Variants in RPP14 observed in about 807,000 individuals in gnomAD.
RPP14 encodes ribonuclease P protein subunit p14.
Under a neutral mutation model 17.8 loss-of-function variants are expected in RPP14, and 19 were observed. The observed-to-expected ratio is 1.07, with a 90% confidence interval of 0.74 to 1.57. The LOEUF (loss-of-function observed/expected upper bound fraction) is 1.57. Ranked by LOEUF, RPP14 falls within the 40% of genes most tolerant of loss-of-function variation. The pLI, the probability that RPP14 is intolerant of heterozygous loss-of-function variation, is 0.00. For missense variants in RPP14, 125 were observed against 140.8 expected (o/e 0.89, Z 0.57); for synonymous variants, 60 against 56.4 (o/e 1.06, Z -0.29).
At chr3:58,311,781 A>G (rs1004606816) in intron 3 of RPP14, among the ~76,000 whole-genome samples, 1 of 151,442 alleles carries the variant, frequency 6.6e-6, no homozygotes, top group Non-Finnish European at 1.5e-5. Context: ...GCCCAGCTGC[A>G]CATGTCTTTT....
At position 58,318,503 on chromosome 3, in the gene RPP14, A is replaced by AAC. The variant is rs1427054922; in HGVS notation, c.*1008_*1009insCA. ...TGAAACCCCATCTCTACCAAAAAAA[A>AAC]AAAAAAAAAAAAAGTGCAACTAGCT... On this transcript the variant is annotated 3_prime_UTR_variant, in exon 6 of 6. Transcript: ENST00000295959. 1 of 147,506 alleles carries AAC rather than the reference A, an allele frequency of 6.8e-6. No individual in the cohort carries two copies. Among genetic ancestry groups the AAC allele is most frequent in the Non-Finnish European group, 1.5e-5 (1 of 68,064 alleles). The allele number at this position is 147,506 out of a possible 1,614,324, so 9.1% of individuals were successfully genotyped here.
intron 3 of RPP14, among the ~76,000 whole-genome samples, chr3:58,311,686 T>C (rs1360756806): frequency 6.7e-5 from 9 of 134,578 alleles, no homozygotes; most frequent in Non-Finnish European, 1.3e-4. Context: ...GGGAATACAA[T>C]AAATATGAGA....
At chr3:58,313,603 A>C (rs1488208452) in intron 3 of RPP14, among the ~76,000 whole-genome samples, 2 of 151,970 alleles carry the variant, frequency 1.3e-5, no homozygotes, top group African/African-American at 4.8e-5. Flanking sequence ...CGGGTGGATC[A>C]CTTGAGCCCA....
intron 3 of RPP14, among the ~76,000 whole-genome samples, chr3:58,314,169 G>T (rs965728331): frequency 3.3e-5 from 5 of 152,032 alleles, no homozygotes; most frequent in Non-Finnish European, 7.4e-5. Flanking sequence ...TGGCCAACAT[G>T]GCAAAACCCT....
intron 1 of RPP14, 90 bp from the exon 2 acceptor site, chr3:58,310,219 C>A (rs2097480624): frequency 8.2e-6 from 8 of 977,962 alleles, no homozygotes; most frequent in South Asian, 1.4e-5. Context: ...AACAAACAAA[C>A]AAAAAAAACC....
intron 1 of RPP14, among the ~76,000 whole-genome samples, chr3:58,308,735 T>C (rs1312060343): frequency 1.3e-5 from 2 of 152,230 alleles, no homozygotes; most frequent in Non-Finnish European, 2.9e-5. Flanking sequence ...CTTTCCTTGA[T>C]TGGGCCTCAG....
chr3:58,307,354 G>A (rs2097476479), intron 1 of RPP14, among the ~76,000 whole-genome samples: 1 of 152,224 alleles, frequency 6.6e-6, no homozygotes, highest in Non-Finnish European at 1.5e-5. Context: ...TAGGGATGGA[G>A]AAGCGGGGGA....
intron 3 of RPP14, among the ~76,000 whole-genome samples, chr3:58,312,991 C>T (rs1174611384): frequency 1.5e-5 from 2 of 135,220 alleles, no homozygotes; most frequent in Non-Finnish European, 3.1e-5. Flanking sequence ...GGGCTGGGCA[C>T]GGTAGCTCAC....
At chr3:58,315,643 G>A (rs1471801330) in intron 3 of RPP14, 1 of 152,226 alleles carries the variant, frequency 6.6e-6, no homozygotes, top group Non-Finnish European at 1.5e-5. Context: ...GCTGGATGAA[G>A]AGTGCATGAA....
chr3:58,313,628 GC>G lies in RPP14; in HGVS notation c.163-2885del, dbSNP rs747744526. On this transcript the variant is annotated intron_variant, in intron 3 of 5. Coordinates refer to ENST00000295959, the MANE Select transcript of RPP14 (RefSeq NM_007042.6). Reference sequence around the variant, plus strand: ...ACTTGAGCCCAGGAGTTCCAGGCCAGCCTGGGTATCTGGTGAAACCCCATCT... The same window carrying G: ...ACTTGAGCCCAGGAGTTCCAGGCCAGCTGGGTATCTGGTGAAACCCCATCT... 3.9e-5 allele frequency among the ~76,000 whole-genome samples: 6 copies of G among 152,290 alleles called. No individual in the cohort carries two copies. The East Asian group carries it at 9.7e-4, about 25-fold the overall frequency.
intron 1 of RPP14, 40 bp from the exon 2 acceptor site, chr3:58,310,269 A>T: frequency 6.9e-7 from 1 of 1,454,862 alleles, no homozygotes; most frequent in Non-Finnish European, 9.6e-7. Context: ...GAAAAATAGC[A>T]TGTGCATTGG....
chr3:58,310,812 C>A (rs2097481375), intron 3 of RPP14, among the ~76,000 whole-genome samples: 1 of 151,804 alleles, frequency 6.6e-6, no homozygotes, highest in Admixed American at 6.6e-5. Context: ...CACCTGTAAT[C>A]CCAGCTACTC....
intron 3 of RPP14, among the ~76,000 whole-genome samples, chr3:58,314,199 A>C (rs1352557334): frequency 6.6e-6 from 1 of 151,790 alleles, no homozygotes; most frequent in Non-Finnish European, 1.5e-5. Flanking sequence ...AAAGCTATAA[A>C]AACTAGCCGG....
At chr3:58,308,239 T>G (rs2097477809) in intron 1 of RPP14, among the ~76,000 whole-genome samples, 1 of 152,130 alleles carries the variant, frequency 6.6e-6, no homozygotes, top group African/African-American at 2.4e-5. Context: ...ACTATCACTT[T>G]TCTCTCATTT....
Position 58,311,286 on chromosome 3 carries a change from C to CG in RPP14, c.162+695_162+696insG, listed in dbSNP as rs535490772. Among the ~76,000 whole-genome samples the CG allele has an allele frequency of 1.4e-4, 21 of 152,302 alleles. No individual in the cohort carries two copies. In the South Asian group the frequency reaches 4.4e-3, roughly 32 times the overall value. ...CTTCCTGCCTTAGCCCCCCTGGTAG[C>CG]TGAGATTACAGGCACACGCTACCAT... On this transcript the variant is annotated intron_variant, in intron 3 of 5. Coordinates refer to ENST00000295959, the MANE Select transcript of RPP14 (RefSeq NM_007042.6).
intron 3 of RPP14, among the ~76,000 whole-genome samples, chr3:58,311,318 C>A (rs2107502213): frequency 6.6e-6 from 1 of 152,308 alleles, no homozygotes; most frequent in African/African-American, 2.4e-5. Context: ...CCATGCCCAA[C>A]TAATTTTTGT....
At chr3:58,314,686 T>TTTTC (rs1176830844) in intron 3 of RPP14, among the ~76,000 whole-genome samples, 2 of 139,500 alleles carry the variant, frequency 1.4e-5, no homozygotes, top group East Asian at 4.4e-4. Flanking sequence ...TTTTTTTTTT[T>TTTTC]TTTTTTTTTT....
chr3:58,309,131 C>T (rs935774718), intron 1 of RPP14, among the ~76,000 whole-genome samples: 2 of 152,196 alleles, frequency 1.3e-5, no homozygotes, highest in East Asian at 1.9e-4. Context: ...TGGGAGGAGA[C>T]GGCAGAACGA....
chr3:58,317,488 T>C lies in RPP14; in HGVS notation c.367T>C (p.Leu123=), dbSNP rs777285667. 1.9e-6 allele frequency: 3 copies of C among 1,582,358 alleles called. No individual in the cohort carries two copies. The highest frequency in any genetic ancestry group is 2.2e-5 in the South Asian group (2 of 90,202). Residue 123 remains leucine, a synonymous_variant, in exon 6 of 6, where the codon TTG becomes CTG. Transcript: ENST00000295959. ...ALSGNSRELV[L]D ...ATCTGGTAATAGTAGGGAACTAGTA[T>C]TGGATTGAATGAATAGTCTTCCATT...
Sources: gnomAD v4.1 joint callset for allele counts (sites outside exome capture counted in the v4.1 genomes callset) on GRCh38, gnomAD v4.1.1 for gene constraint, MANE v1.5 for transcripts, NCBI Gene and HGNC (gene_info 2026-07-23, HGNC 2026-07-21) for gene names.